SPATS2L: variants seen among roughly 807,000 people sequenced by gnomAD.
The protein encoded by SPATS2L is SPATS2-like protein.
A neutral mutation model predicts 59.6 loss-of-function variants in SPATS2L; 30 were observed. The observed-to-expected ratio is 0.50, with a 90% CI of 0.38 to 0.68. SPATS2L has a LOEUF of 0.68. SPATS2L is among the 30% of genes least tolerant of loss of function. The probability of loss-of-function intolerance (pLI) is 0.00; values close to 1 mark genes in which losing one functional copy is unlikely to be tolerated. For synonymous variants in SPATS2L, 252 were observed against 263.5 expected, an observed-to-expected ratio of 0.96 and a Z score of 0.42; for missense variants, 615 against 700.0, an observed-to-expected ratio of 0.88 and a Z score of 1.37.
intron 1 of SPATS2L, among the ~76,000 whole-genome samples, chr2:200,322,136 T>A (rs548884076): frequency 1.3e-5 from 2 of 152,196 alleles, no homozygotes; most frequent in African/African-American, 4.8e-5. Flanking sequence ...TGTATTCTTA[T>A]ATGTTTTGGA....
intron 12 of SPATS2L, among the ~76,000 whole-genome samples, chr2:200,474,969 G>C (rs2087398320): frequency 6.6e-6 from 1 of 152,190 alleles, no homozygotes; most frequent in African/African-American, 2.4e-5. Flanking sequence ...CTGCCAGTCA[G>C]TACTCGAGAT....
chr2:200,375,843 T>C (rs1321480454), intron 2 of SPATS2L, among the ~76,000 whole-genome samples: 3 of 152,084 alleles, frequency 2.0e-5, no homozygotes, highest in Admixed American at 6.6e-5. Flanking sequence ...CCCAGGCTGC[T>C]CTCGAACTCC....
intron 3 of SPATS2L, among the ~76,000 whole-genome samples, chr2:200,404,885 C>T (rs1020086432): frequency 4.6e-5 from 7 of 152,098 alleles, no homozygotes; most frequent in Non-Finnish European, 1.0e-4. Context: ...GCTGGCCAAG[C>T]CTTTCTCTCA....
rs773496243 is a variant in SPATS2L at position 200,477,710 on chromosome 2, G to T, written c.1356G>T (p.Ser452=). The part of the protein sequence containing the change: ...HNNRLNGPAK[S]QGSGNEAEPL... ...ACAGGCTAAATGGGCCTGCCAAGTC[G>T]CAGGGCAGTGGGAATGAAGCCGAGC... Residue 452 remains serine, a synonymous_variant, in exon 13 of 13, where the codon TCG becomes TCT. Coordinates refer to ENST00000409140, the MANE Select transcript of SPATS2L (RefSeq NM_001100423.2). The T allele has an allele frequency of 3.8e-6, 6 of 1,564,778 alleles. No individual in the cohort carries two copies. The African/African-American group carries it at 5.4e-5, about 14-fold the overall frequency.
Position 200,372,269 on chromosome 2 carries a change from C to T in SPATS2L, c.-22-16954C>T, listed in dbSNP as rs2081451203. 27 of 877,032 alleles carry T rather than the reference C, an allele frequency of 3.1e-5. No individual in the cohort carries two copies. In the South Asian group the frequency reaches 1.4e-3, roughly 46 times the overall value. The allele number at this position is 877,032 out of a possible 1,614,324, so 54.3% of individuals were successfully genotyped here. On this transcript the variant is annotated intron_variant, in intron 2 of 12. Coordinates refer to ENST00000409140, the MANE Select transcript of SPATS2L (RefSeq NM_001100423.2). ...CCCGAACTGTAAGTGAATTCCCTCT[C>T]CATTATCCTCATTCAATGGCCAGCC...
chr2:200,312,560 G>A (rs541340581), intron 1 of SPATS2L, among the ~76,000 whole-genome samples: 2 of 152,256 alleles, frequency 1.3e-5, no homozygotes, highest in Non-Finnish European at 1.5e-5. Flanking sequence ...CCTATACCAG[G>A]CAATATCTTA....
At chr2:200,342,025 T>C (rs1017684699) in intron 2 of SPATS2L, among the ~76,000 whole-genome samples, 1 of 152,176 alleles carries the variant, frequency 6.6e-6, no homozygotes, top group Non-Finnish European at 1.5e-5. Flanking sequence ...AATCATATCA[T>C]TGTTTTCCTT....
intron 2 of SPATS2L, among the ~76,000 whole-genome samples, chr2:200,354,618 A>AC (rs35986428): frequency 2.0e-5 from 3 of 149,576 alleles, no homozygotes; most frequent in Non-Finnish European, 3.0e-5. Flanking sequence ...AAAAAAAAAG[A>AC]GAATGGAGTT....
intron 6 of SPATS2L, among the ~76,000 whole-genome samples, chr2:200,420,625 A>G (rs2083271214): frequency 6.6e-6 from 1 of 152,204 alleles, no homozygotes; most frequent in South Asian, 2.1e-4. Flanking sequence ...GGTTTTCCAC[A>G]TGGCCAAAAA....
chr2:200,408,581 T>G (rs1398224293), intron 3 of SPATS2L, among the ~76,000 whole-genome samples: 2 of 152,282 alleles, frequency 1.3e-5, no homozygotes, highest in East Asian at 3.9e-4. Flanking sequence ...CAAGAAGAAT[T>G]TCTAAGGGTC....
At chr2:200,417,329 T>C (rs968089626) in intron 5 of SPATS2L, among the ~76,000 whole-genome samples, 2 of 152,072 alleles carry the variant, frequency 1.3e-5, no homozygotes, top group African/African-American at 2.4e-5. Context: ...CCTAGTTTCA[T>C]GTAGAGTAGG....
At chr2:200,440,559 C>T in intron 7 of SPATS2L, 90 bp from the exon 8 acceptor site, 1 of 1,281,484 alleles carries the variant, frequency 7.8e-7, no homozygotes, top group South Asian at 1.4e-5. Flanking sequence ...GTCCCTTTTT[C>T]TGGTGGGCTA....
intron 1 of SPATS2L, among the ~76,000 whole-genome samples, chr2:200,328,151 G>C (rs981093441): frequency 6.6e-6 from 1 of 152,110 alleles, no homozygotes; most frequent in East Asian, 1.9e-4. Flanking sequence ...CGTGGATCCT[G>C]GGTGTTAGAC....
chr2:200,306,625 G>T, upstream of SPATS2L: 1 of 993,472 alleles, frequency 1.0e-6, no homozygotes, highest in Non-Finnish European at 1.2e-6. Context: ...AGGGGAAGGC[G>T]GGCGGGTCGG....
intron 1 of SPATS2L, among the ~76,000 whole-genome samples, chr2:200,327,369 A>T (rs2079786659): frequency 6.6e-6 from 1 of 150,886 alleles, no homozygotes; most frequent in South Asian, 2.1e-4. Context: ...ATGCCACTGC[A>T]CTCCAGCCTG....
intron 2 of SPATS2L, among the ~76,000 whole-genome samples, chr2:200,339,748 G>T (rs1232925647): frequency 6.6e-6 from 1 of 152,166 alleles, no homozygotes; most frequent in Non-Finnish European, 1.5e-5. Context: ...AAACATCCAT[G>T]TGGGCCAGAA....
At chr2:200,476,070 G>A (rs2087497684) in intron 12 of SPATS2L, among the ~76,000 whole-genome samples, 1 of 152,126 alleles carries the variant, frequency 6.6e-6, no homozygotes, top group African/African-American at 2.4e-5. Context: ...TCAGTGCATG[G>A]TAAGCACTCA....
At chr2:200,440,506 TACAA>T (rs2084624671) in intron 7 of SPATS2L, 139 bp from the exon 8 acceptor site, 2 of 798,164 alleles carry the variant, frequency 2.5e-6, no homozygotes, top group Non-Finnish European at 3.9e-6. Flanking sequence ...CACACTGGGT[TACAA>T]ACATTCTCCT....
At chr2:200,337,784 A>G (rs374943556) in intron 2 of SPATS2L, among the ~76,000 whole-genome samples, 46 of 152,028 alleles carry the variant, frequency 3.0e-4, no homozygotes, top group Admixed American at 2.8e-3. Context: ...TTCTTTCTCT[A>G]TGTTCTGCTC....
Sources: gnomAD v4.1 joint callset for allele counts (sites outside exome capture counted in the v4.1 genomes callset) on GRCh38, gnomAD v4.1.1 for gene constraint, MANE v1.5 for transcripts, NCBI Gene and HGNC (gene_info 2026-07-23, HGNC 2026-07-21) for gene names.